SHE: variants seen among roughly 807,000 people sequenced by gnomAD.
SHE encodes the protein SH2 domain-containing adapter protein E.
A neutral mutation model predicts 49.8 loss-of-function variants in SHE; 11 were observed. That is an observed-to-expected ratio of 0.22 (90% CI 0.14 to 0.37). SHE has a LOEUF of 0.37. Ranked by LOEUF, SHE falls within the 10% of genes least tolerant of loss-of-function variation. The pLI, the probability that SHE is intolerant of heterozygous loss-of-function variation, is 1.00. For missense variants in SHE, 624 were observed against 655.5 expected (o/e 0.95, Z 0.52); for synonymous variants, 310 against 278.1 (o/e 1.11, Z -1.14).
rs117103761 is a variant in SHE at position 154,497,455 on chromosome 1, T to A, written c.718+1657A>T. 1.2e-3 allele frequency among the ~76,000 whole-genome samples: 189 copies of A among 152,348 alleles called. 1 individual carries two copies. The East Asian group carries it at 0.035, about 28-fold the overall frequency. On this transcript the variant is annotated intron_variant, in intron 2 of 5. Transcript: ENST00000304760. ...GGAAGACTGTTTAAGGAAAACTAGG[T>A]GAAGACATAAAGTTCACAAATAAAT...
chr1:154,484,080 G>A lies in SHE; in HGVS notation c.*69C>T. 4 of 1,552,950 alleles carry A rather than the reference G, an allele frequency of 2.6e-6. No individual in the cohort carries two copies. Among genetic ancestry groups the A allele is most frequent in the Non-Finnish European group, 3.5e-6 (4 of 1,144,764 alleles). Reference sequence around the variant, plus strand: ...AGTTGCTAGTCCAGCCTTGTCCTCTGAGATGCTGGTTGTGCGCTGATGATG... The same window carrying A: ...AGTTGCTAGTCCAGCCTTGTCCTCTAAGATGCTGGTTGTGCGCTGATGATG... On this transcript the variant is annotated 3_prime_UTR_variant, in exon 6 of 6. Coordinates refer to ENST00000304760, the MANE Select transcript of SHE (RefSeq NM_001010846.3).
chr1:154,497,495 T>C (rs1692568483), intron 2 of SHE, among the ~76,000 whole-genome samples: 1 of 152,268 alleles, frequency 6.6e-6, no homozygotes, highest in Non-Finnish European at 1.5e-5. Flanking sequence ...ATTATTTTTA[T>C]TTAAGTATCA....
Position 154,480,269 on chromosome 1 carries a change from C to T in SHE, c.*3880G>A, listed in dbSNP as rs554809371. On this transcript the variant is annotated 3_prime_UTR_variant, in exon 6 of 6. Coordinates refer to ENST00000304760, the MANE Select transcript of SHE (RefSeq NM_001010846.3). ...CAATCCTGCTGAGTGTCAAGGGGTG[C>T]GGGGAAGGGAAATGAAATCGACATC... 5.8e-5 allele frequency: 57 copies of T among 985,274 alleles called. No individual in the cohort carries two copies. The highest frequency in any genetic ancestry group is 1.9e-4 in the African/African-American group (11 of 57,296). The allele number at this position is 985,274 out of a possible 1,614,324, so 61.0% of individuals were successfully genotyped here. A position where few individuals can be genotyped will look rare whatever the true frequency, so the allele number is the denominator to read the frequency against.
At position 154,489,032 on chromosome 1, in the gene SHE, C is replaced by A. The variant is rs750879932; in HGVS notation, c.1024+19G>T. On this transcript the variant is annotated intron_variant, in intron 3 of 5. Transcript: ENST00000304760. Reference sequence around the variant, plus strand: ...AAGACTGAAGTCACACTGGGGCGGGCCTGGCCTGGCGCCCTCACCTGACAG... The same window carrying A: ...AAGACTGAAGTCACACTGGGGCGGGACTGGCCTGGCGCCCTCACCTGACAG... 2 of 1,537,336 alleles carry A rather than the reference C, an allele frequency of 1.3e-6. No homozygotes were observed. Among genetic ancestry groups the A allele is most frequent in the African/African-American group, 2.8e-5 (2 of 72,652 alleles).
chr1:154,481,781 T>C lies in SHE; in HGVS notation c.*2368A>G. 1.0e-6 allele frequency: 1 copy of C among 967,406 alleles called. No individual in the cohort carries two copies. Among genetic ancestry groups the C allele is most frequent in the Non-Finnish European group, 1.2e-6 (1 of 813,586 alleles). 59.9% of individuals were successfully genotyped at this position (967,406 alleles called of 1,614,324 possible). A position where few individuals can be genotyped will look rare whatever the true frequency, so the allele number is the denominator to read the frequency against. On this transcript the variant is annotated 3_prime_UTR_variant, in exon 6 of 6. Transcript: ENST00000304760. ...ACCTTTTAAAATCTTACACTAAAGA[T>C]ATAGTAAATGAACCAATACACACTG... is the stretch of plus-strand genomic sequence containing the variant.
chr1:154,472,753 G>A (rs1053256121), intron 1 of SHE, among the ~76,000 whole-genome samples: 2 of 152,210 alleles, frequency 1.3e-5, no homozygotes, highest in Non-Finnish European at 2.9e-5. Flanking sequence ...TTCAGTGGGT[G>A]TTAACTAGAA....
In SHE at chr1:154,471,712, T is replaced by TGC. The variant is rs746011973; in HGVS notation, c.103-1351_103-1350insGC. Among the ~76,000 whole-genome samples, 824 of 152,086 alleles carry TGC rather than the reference T, an allele frequency of 5.4e-3. 6 individuals carry two copies. The highest frequency in any genetic ancestry group is 9.6e-3 in the Non-Finnish European group (652 of 68,002). ...CTCTCTCTCTCTCTCTCTCTGTGTG[T>TGC]GTGTGTAAGCATTCACACTATAGGT... On this transcript the variant is annotated intron_variant, in intron 1 of 1. Transcript: ENST00000486773.
chr1:154,479,465 A>G (rs903234517), downstream of SHE: 1 of 981,678 alleles, frequency 1.0e-6, no homozygotes, highest in Non-Finnish European at 1.2e-6. Context: ...AACTGAATTA[A>G]GCAAAACCAC....
At chr1:154,501,143 G>A (rs1430636913) in intron 1 of SHE, among the ~76,000 whole-genome samples, 1 of 152,144 alleles carries the variant, frequency 6.6e-6, no homozygotes, top group Non-Finnish European at 1.5e-5. Flanking sequence ...CTATAAAGGG[G>A]TCAAATGTAA....
At position 154,481,146 on chromosome 1, in the gene SHE, G is replaced by C. The variant is rs1188245256; in HGVS notation, c.*3003C>G. 1.0e-6 allele frequency: 1 copy of C among 985,406 alleles called. No individual in the cohort carries two copies. The highest frequency in any genetic ancestry group is 1.2e-6 in the Non-Finnish European group (1 of 829,936). 61.0% of individuals were successfully genotyped at this position (985,406 alleles called of 1,614,324 possible). On this transcript the variant is annotated 3_prime_UTR_variant, in exon 6 of 6. Transcript: ENST00000304760. ...CAGAGCTTCAGATCAGCTGGCCATG[G>C]AGGTTTAACAAGGAAGCCATTAGGG... is the stretch of plus-strand genomic sequence containing the variant.
rs187207974 is a variant in SHE at position 154,490,026 on chromosome 1, G to T, written c.719-670C>A. ...GAATGCATATCACTTTTGCACCACT[G>T]TAAAGGTTGAAAATTATAGTCAAAC... is the stretch of plus-strand genomic sequence containing the variant. On this transcript the variant is annotated intron_variant, in intron 2 of 5. Transcript: ENST00000304760. 2.8e-4 allele frequency among the ~76,000 whole-genome samples: 43 copies of T among 152,316 alleles called. No homozygotes were observed. In the East Asian group the frequency reaches 8.3e-3, roughly 29 times the overall value.
Position 154,481,226 on chromosome 1 carries a change from C to T in SHE, c.*2923G>A. 8.1e-6 allele frequency: 8 copies of T among 985,412 alleles called. No homozygotes were observed. The highest frequency in any genetic ancestry group is 9.6e-6 in the Non-Finnish European group (8 of 829,930). 61.0% of individuals were successfully genotyped at this position (985,412 alleles called of 1,614,324 possible). ...ACATATGGAACTTTGTGCCACCACA[C>T]AGCTGTGAACTCCCTGGCTTTTGTC... On this transcript the variant is annotated 3_prime_UTR_variant, in exon 6 of 6. Coordinates refer to ENST00000304760, the MANE Select transcript of SHE (RefSeq NM_001010846.3).
At chr1:154,477,906 A>AAAG (rs1691919497), downstream of SHE, among the ~76,000 whole-genome samples, 1 of 151,098 alleles carries the variant, frequency 6.6e-6, no homozygotes, top group East Asian at 1.9e-4. Context: ...AAAAAAAAAA[A>AAAG]AAAGAAAGAA....
At position 154,481,872 on chromosome 1, in the gene SHE, C is replaced by T. The variant is rs1692026854; in HGVS notation, c.*2277G>A. The T allele has an allele frequency of 1.2e-6, 1 of 856,544 alleles. No individual in the cohort carries two copies. Among genetic ancestry groups the T allele is most frequent in the African/African-American group, 1.8e-5 (1 of 54,754 alleles). The allele number at this position is 856,544 out of a possible 1,614,324, so 53.1% of individuals were successfully genotyped here. A position where few individuals can be genotyped will look rare whatever the true frequency, so the allele number is the denominator to read the frequency against. ...TTTTTTGTTTGCTTGCTTGTTGAGA[C>T]AGGGTCTCACTCTGTCACTCAGGCT... On this transcript the variant is annotated 3_prime_UTR_variant, in exon 6 of 6. Coordinates refer to ENST00000304760, the MANE Select transcript of SHE (RefSeq NM_001010846.3).
intron 3 of SHE, 49 bp downstream of exon 3, chr1:154,489,002 G>A (rs376066745): frequency 2.6e-6 from 4 of 1,510,156 alleles, no homozygotes; most frequent in Middle Eastern, 2.5e-4. Flanking sequence ...TGATGCGGTG[G>A]CCAGAAGACT....
Position 154,502,003 on chromosome 1 carries a change from G to A in SHE, c.24C>T (p.Gly8=), listed in dbSNP as rs1424168987. Reference sequence around the variant, plus strand: ...AAGCCCAGCCCAGACACGCAGAGGCGCCAGGGGTCGGGGACCACTGCATTC... The same window carrying A: ...AAGCCCAGCCCAGACACGCAGAGGCACCAGGGGTCGGGGACCACTGCATTC... MQWSPTP[G]ASACLGWASS... is the part of the protein sequence containing the mutation. Residue 8 remains glycine (G), a synonymous_variant, in exon 1 of 6, where the codon GGC becomes GGT. Coordinates refer to ENST00000304760, the MANE Select transcript of SHE (RefSeq NM_001010846.3). 2 of 1,389,096 alleles carry A rather than the reference G, an allele frequency of 1.4e-6. No individual in the cohort carries two copies. The highest frequency in any genetic ancestry group is 1.9e-6 in the Non-Finnish European group (2 of 1,080,348). The allele number at this position is 1,389,096 out of a possible 1,614,324, so 86.0% of individuals were successfully genotyped here. A position where few individuals can be genotyped will look rare whatever the true frequency, so the allele number is the denominator to read the frequency against.
At chr1:154,490,349 T>C (rs1250008535) in intron 2 of SHE, among the ~76,000 whole-genome samples, 2 of 152,248 alleles carry the variant, frequency 1.3e-5, no homozygotes, top group Non-Finnish European at 2.9e-5. Flanking sequence ...ACTCTAAGAT[T>C]ATGGGATATC....
intron 2 of SHE, among the ~76,000 whole-genome samples, chr1:154,489,710 C>T (rs1175849874): frequency 6.6e-6 from 1 of 152,222 alleles, no homozygotes; most frequent in East Asian, 1.9e-4. Context: ...GTTCTGGTGT[C>T]TGCTCTGAGT....
chr1:154,484,049 T>A lies in SHE; in HGVS notation c.*100A>T. On this transcript the variant is annotated 3_prime_UTR_variant, in exon 6 of 6. Coordinates refer to ENST00000304760, the MANE Select transcript of SHE (RefSeq NM_001010846.3). ...GACTTTTCAAGGAAGACTCCCATTT[T>A]CTAGCAGTTGCTAGTCCAGCCTTGT... The A allele has an allele frequency of 6.8e-7, 1 of 1,479,704 alleles. No individual in the cohort carries two copies. The highest frequency in any genetic ancestry group is 9.0e-7 in the Non-Finnish European group (1 of 1,112,730). The allele number at this position is 1,479,704 out of a possible 1,614,324, so 91.7% of individuals were successfully genotyped here. A position where few individuals can be genotyped will look rare whatever the true frequency, so the allele number is the denominator to read the frequency against.
Sources: allele counts gnomAD v4.1 joint callset (sites outside exome capture counted in the v4.1 genomes callset), GRCh38; gene constraint gnomAD v4.1.1; transcripts MANE v1.5; gene names NCBI Gene and HGNC (gene_info 2026-07-23, HGNC 2026-07-21).